The following FAM184A variants were observed in gnomAD, a reference collection of about 807,000 sequenced individuals.
FAM184A encodes family with sequence similarity 184 member A, also known as protein FAM184A.
In FAM184A, 99 loss-of-function variants were observed where a neutral mutation model predicts 143.8. That is an observed-to-expected ratio of 0.69 (90% CI 0.58 to 0.81). The LOEUF (loss-of-function observed/expected upper bound fraction) is 0.81. FAM184A is among the 40% of genes least tolerant of loss of function. The pLI, the probability that FAM184A is intolerant of heterozygous loss-of-function variation, is 0.00. For synonymous variants in FAM184A, 427 were observed against 446.4 expected (o/e 0.96, Z 0.55); for missense variants, 1,217 against 1,310.5 (o/e 0.93, Z 1.10).
Position 118,975,995 on chromosome 6 carries a change from C to G in FAM184A, c.2505G>C (p.Leu835Phe). 2 of 1,613,398 alleles carry G rather than the reference C, an allele frequency of 1.2e-6. No homozygotes were observed. Among genetic ancestry groups the G allele is most frequent in the Non-Finnish European group, 1.7e-6 (2 of 1,179,862 alleles). ...LNHQHAAAID[L>F]LRHNHHQELA... The stretch of plus-strand genomic sequence containing the variant: ...ATTCTTGATGATGATTATGCCGTAA[C>G]AAATCAATTGCAGCTGCATGTTGAT... The change falls in exon 12 of 18, where the codon TTG becomes TTC. Residue 835 changes from leucine to phenylalanine, a missense_variant. By Grantham distance (22) the Leu-to-Phe change is conservative (BLOSUM62 0). Transcript: ENST00000338891.
At chr6:119,121,944 CTTAT>C (rs1789226066) in intron 1 of FAM184A, among the ~76,000 whole-genome samples, 1 of 151,936 alleles carries the variant, frequency 6.6e-6, no homozygotes, top group African/African-American at 2.4e-5. Context: ...TGTTTCTTTA[CTTAT>C]TTATTTTTAT....
rs1420727740 is a variant in FAM184A, at chr6:118,959,963, A to G, written c.*140T>C. On this transcript the variant is annotated 3_prime_UTR_variant, in exon 18 of 18. Transcript: ENST00000338891. Reference sequence around the variant, plus strand: ...ATGATTCCAATAAATATCACAGGAAATACAGTGCATTTTCAAGTTGGAGAG... The same window carrying G: ...ATGATTCCAATAAATATCACAGGAAGTACAGTGCATTTTCAAGTTGGAGAG... The G allele has an allele frequency of 5.3e-6, 3 of 567,916 alleles. No homozygotes were observed. Among genetic ancestry groups the G allele is most frequent in the Non-Finnish European group, 9.2e-6 (3 of 326,368 alleles). 35.2% of individuals were successfully genotyped at this position (567,916 alleles called of 1,614,324 possible). A position where few individuals can be genotyped will look rare whatever the true frequency, so the allele number is the denominator to read the frequency against.
Position 119,016,849 on chromosome 6 carries a change from GT to G in FAM184A, c.1427del (p.Asn476ThrfsTer11). The G allele has an allele frequency of 6.2e-7, 1 of 1,613,894 alleles. No individual in the cohort carries two copies. Among genetic ancestry groups the G allele is most frequent in the South Asian group, 1.1e-5 (1 of 91,072 alleles). ...SRLEEEVTQL[N>X]EAHSKTLEEL... ...CTTCCAAAGTCTTAGAATGGGCCTC[GT>G]TTAATTGAGTCACCTCCTCTTCCAA... On this transcript the variant is annotated frameshift_variant, in exon 5 of 18. Transcript: ENST00000338891. LOFTEE classifies it high-confidence loss of function.
chr6:118,965,378 G>A (rs1365515352), intron 15 of FAM184A, among the ~76,000 whole-genome samples: 3 of 151,860 alleles, frequency 2.0e-5, no homozygotes, highest in African/African-American at 4.8e-5. Flanking sequence ...AAATAGATTC[G>A]ATTGCATCTA....
At position 118,980,236 on chromosome 6, in the gene FAM184A, C is replaced by T. The variant is rs368304565; in HGVS notation, c.2203G>A (p.Glu735Lys). The T allele has an allele frequency of 3.0e-5, 48 of 1,614,034 alleles. No homozygotes were observed. In the African/African-American group the frequency reaches 4.1e-4, roughly 14 times the overall value. The change falls in exon 10 of 18, where the codon GAA becomes AAA. Residue 735 changes from glutamate (E) to lysine (K), a missense_variant. Glu to Lys is a moderately conservative substitution (Grantham distance 56). Transcript: ENST00000338891. ...ERQRLTQELEELEEQHQQRHK... is the reference protein window; with the variant it reads ...ERQRLTQELEKLEEQHQQRHK... ...CTTTGCTGATGTTGCTCCTCTAATT[C>T]TTCAAGCTCTTGCGTAAGCCGCTGT... is the stretch of plus-strand genomic sequence containing the variant.
chr6:119,006,656 G>A, intron 6 of FAM184A, 48 bp from the exon 7 acceptor site: 1 of 1,358,122 alleles, frequency 7.4e-7, no homozygotes, highest in South Asian at 1.6e-5. Context: ...TAATAGAATA[G>A]CAAAATAGTC....
chr6:118,985,854 A>G (rs779195855), intron 9 of FAM184A, among the ~76,000 whole-genome samples: 9 of 152,236 alleles, frequency 5.9e-5, no homozygotes, highest in Non-Finnish European at 1.3e-4. Context: ...GGCTTAGTAG[A>G]GGACAGTAGG....
intron 1 of FAM184A, among the ~76,000 whole-genome samples, chr6:119,059,832 TTATA>T (rs1787155937): frequency 6.6e-6 from 1 of 152,240 alleles, no homozygotes; most frequent in Non-Finnish European, 1.5e-5. Flanking sequence ...ATATTGAGTT[TTATA>T]TATCTACGCT....
At chr6:118,984,075 G>A (rs532905734) in intron 9 of FAM184A, among the ~76,000 whole-genome samples, 10 of 148,052 alleles carry the variant, frequency 6.8e-5, no homozygotes, top group East Asian at 4.0e-4. Flanking sequence ...ACTTGAACCC[G>A]GGAGGCAGAG....
At chr6:119,011,122 A>T in intron 6 of FAM184A, 187 bp downstream of exon 6, 1 of 505,552 alleles carries the variant, frequency 2.0e-6, no homozygotes, top group East Asian at 3.8e-5. Flanking sequence ...TGTTTTTGAC[A>T]GTAAATTTTA....
At chr6:119,018,873 T>A (rs1785351853) in intron 4 of FAM184A, among the ~76,000 whole-genome samples, 1 of 149,806 alleles carries the variant, frequency 6.7e-6, no homozygotes, top group Non-Finnish European at 1.5e-5. Flanking sequence ...GACTTTCAGC[T>A]TTTTGATTTA....
intron 1 of FAM184A, among the ~76,000 whole-genome samples, chr6:119,087,446 T>C (rs554748635): frequency 2.1e-4 from 32 of 152,240 alleles, no homozygotes; most frequent in South Asian, 4.1e-4. Flanking sequence ...TTGTTATTTT[T>C]CTAAAGAAGA....
chr6:119,093,396 T>C (rs1157508322), intron 1 of FAM184A, among the ~76,000 whole-genome samples: 1 of 152,200 alleles, frequency 6.6e-6, no homozygotes, highest in Non-Finnish European at 1.5e-5. Context: ...TTACCGTGAG[T>C]CACGGGAGAA....
At chr6:118,965,193 T>A (rs1370918633) in intron 15 of FAM184A, among the ~76,000 whole-genome samples, 5 of 105,154 alleles carry the variant, frequency 4.8e-5, no homozygotes, top group African/African-American at 1.8e-4. Context: ...CCCAGCTAAG[T>A]TTTTTTTGTT....
At chr6:119,108,030 G>A (rs1582622702) in intron 1 of FAM184A, among the ~76,000 whole-genome samples, 1 of 152,254 alleles carries the variant, frequency 6.6e-6, no homozygotes, top group African/African-American at 2.4e-5. Flanking sequence ...GGGTTCTCCA[G>A]AGAGCAGAAT....
At chr6:119,017,042 C>CT (rs1785281648) in intron 4 of FAM184A, 98 bp from the exon 5 acceptor site, 1 of 749,592 alleles carries the variant, frequency 1.3e-6, no homozygotes, top group African/African-American at 1.8e-5. Context: ...CTTGAATAAA[C>CT]TGAGTGCTAC....
In FAM184A at chr6:119,024,465, G is replaced by C; in HGVS notation, c.508C>G (p.Arg170Gly). ...EIRRKFEEKL[R>G]SFGQLQVQFE... ...TGTACTTGAAGTTGTCCAAAGCTCC[G>C]TAATTTTTCTTCAAATTTCCTTCTA... The change falls in exon 2 of 18, where the codon CGG becomes GGG. Residue 170 changes from arginine (R) to glycine (G), a missense_variant. By Grantham distance (125) the Arg-to-Gly change is moderately radical. Coordinates refer to ENST00000338891, the MANE Select transcript of FAM184A (RefSeq NM_024581.6). 6.2e-7 allele frequency: 1 copy of C among 1,613,608 alleles called. No homozygotes were observed. Among genetic ancestry groups the C allele is most frequent in the Non-Finnish European group, 8.5e-7 (1 of 1,179,902 alleles).
In FAM184A at chr6:119,044,789, C is replaced by T. The variant is rs118020922; in HGVS notation, c.160-19976G>A. On this transcript the variant is annotated intron_variant, in intron 1 of 17. Coordinates refer to ENST00000338891, the MANE Select transcript of FAM184A (RefSeq NM_024581.6). ...AAAAGGAAAGCCTTAATGGCCAATA[C>T]ACTGGGAACTGGGTATAACTCTTAG... Among the ~76,000 whole-genome samples the T allele has an allele frequency of 2.8e-4, 43 of 152,244 alleles. 1 individual carries two copies. In the East Asian group the frequency reaches 3.7e-3, roughly 13 times the overall value.
rs1419377549 is a variant in FAM184A at position 119,024,274 on chromosome 6, C to T, written c.699G>A (p.Met233Ile). 4 of 1,614,062 alleles carry T rather than the reference C, an allele frequency of 2.5e-6. No homozygotes were observed. In the Admixed American group the frequency reaches 5.0e-5, roughly 20 times the overall value. Residue 233 changes from methionine to isoleucine, a missense_variant, in exon 2 of 18, where the codon ATG (methionine) becomes ATA (isoleucine). Coordinates refer to ENST00000338891, the MANE Select transcript of FAM184A (RefSeq NM_024581.6). Reference protein sequence around the residue: ...HRMEVESLNKMLEELRLERKK... With the variant: ...HRMEVESLNKILEELRLERKK... ...TCCGTTCAAGTCTTAGCTCCTCAAG[C>T]ATTTTGTTTAGGGACTCCACCTCCA...
Sources: gnomAD v4.1 joint callset for allele counts (sites outside exome capture counted in the v4.1 genomes callset) on GRCh38, gnomAD v4.1.1 for gene constraint, MANE v1.5 for transcripts, NCBI Gene and HGNC (gene_info 2026-07-23, HGNC 2026-07-21) for gene names.